XKR4: variants seen among roughly 807,000 people sequenced by gnomAD.
XKR4 encodes XK related 4.
A neutral mutation model predicts 53.9 loss-of-function variants in XKR4; 12 were observed. The ratio of observed to expected loss-of-function variants is 0.22; its 90% CI spans 0.14 to 0.36. XKR4 has a LOEUF of 0.36. XKR4 is among the 10% of genes least tolerant of loss of function. The pLI is 1.00. For missense variants in XKR4, 799 were observed against 859.5 expected, an observed-to-expected ratio of 0.93 and a Z score of 0.88; for synonymous variants, 354 against 362.4, an observed-to-expected ratio of 0.98 and a Z score of 0.26.
chr8:55,292,392 T>A (rs550612088), intron 1 of XKR4, among the ~76,000 whole-genome samples: 1 of 152,206 alleles, frequency 6.6e-6, no homozygotes, highest in Non-Finnish European at 1.5e-5. Context: ...GTGGTTTGTG[T>A]TTTTTTAAGT....
rs141210147 is a variant in XKR4 at position 55,150,491 on chromosome 8, A to T, written c.806+47197A>T. ...ATAGTATGGTTCTTGTAAAGATATC[A>T]CTCATACTTAGGAAGTCGTGCATGA... On this transcript the variant is annotated intron_variant, in intron 1 of 2. Coordinates refer to ENST00000327381, the MANE Select transcript of XKR4 (RefSeq NM_052898.2). 2.3e-3 allele frequency among the ~76,000 whole-genome samples: 352 copies of T among 152,244 alleles called. 2 individuals are homozygous for T. Among genetic ancestry groups the T allele is most frequent in the African/African-American group, 8.1e-3 (335 of 41,540 alleles).
At chr8:55,328,702 C>T (rs1287841478) in intron 1 of XKR4, among the ~76,000 whole-genome samples, 1 of 152,138 alleles carries the variant, frequency 6.6e-6, no homozygotes, top group African/African-American at 2.4e-5. Flanking sequence ...ACCGCATGAC[C>T]TTTTTTCTAG....
chr8:55,452,396 G>A (rs905727557), intron 2 of XKR4: 3 of 628,602 alleles, frequency 4.8e-6, no homozygotes, highest in African/African-American at 3.7e-5. Flanking sequence ...ACGTAGTGAG[G>A]AAGAGGGCGC....
Position 55,538,978 on chromosome 8 carries a change from C to T in XKR4, c.*14751C>T, listed in dbSNP as rs1807067659. 1 of 152,154 alleles carries T rather than the reference C, an allele frequency of 6.6e-6. No individual in the cohort carries two copies. The highest frequency in any genetic ancestry group is 1.5e-5 in the Non-Finnish European group (1 of 68,018). The allele number at this position is 152,154 out of a possible 1,614,324, so 9.4% of individuals were successfully genotyped here. A position where few individuals can be genotyped will look rare whatever the true frequency, so the allele number is the denominator to read the frequency against. ...GAGAAGTTTTTACACAGGGCTTCAG[C>T]TATATACTGATATACATATGCTTAC... On this transcript the variant is annotated 3_prime_UTR_variant, in exon 3 of 3. Coordinates refer to ENST00000327381, the MANE Select transcript of XKR4 (RefSeq NM_052898.2).
At chr8:55,302,207 T>C (rs1161373886) in intron 1 of XKR4, among the ~76,000 whole-genome samples, 1 of 152,240 alleles carries the variant, frequency 6.6e-6, no homozygotes, top group Non-Finnish European at 1.5e-5. Flanking sequence ...TTCAGCTTTC[T>C]ACATATGGCC....
At chr8:55,294,375 A>C (rs1254462981) in intron 1 of XKR4, among the ~76,000 whole-genome samples, 1 of 152,182 alleles carries the variant, frequency 6.6e-6, no homozygotes, top group Admixed American at 6.6e-5. Flanking sequence ...TGACATTATC[A>C]CTTCTCAAGG....
At chr8:55,507,696 G>T (rs1585611495) in intron 2 of XKR4, among the ~76,000 whole-genome samples, 1 of 152,138 alleles carries the variant, frequency 6.6e-6, no homozygotes, top group African/African-American at 2.4e-5. Flanking sequence ...TTTTATGGCT[G>T]CATAGTATTC....
At chr8:55,253,444 C>T (rs1818388373) in intron 1 of XKR4, among the ~76,000 whole-genome samples, 1 of 152,148 alleles carries the variant, frequency 6.6e-6, no homozygotes, top group African/African-American at 2.4e-5. Flanking sequence ...TTTATAGCTA[C>T]AATTAAAGTG....
At chr8:55,118,077 G>A (rs1361576771) in intron 1 of XKR4, among the ~76,000 whole-genome samples, 3 of 152,040 alleles carry the variant, frequency 2.0e-5, no homozygotes, top group African/African-American at 4.8e-5. Flanking sequence ...GAATATCTGC[G>A]TGTGGACTGA....
At chr8:55,381,310 A>G (rs1383392671) in intron 2 of XKR4, among the ~76,000 whole-genome samples, 2 of 152,218 alleles carry the variant, frequency 1.3e-5, no homozygotes, top group Non-Finnish European at 2.9e-5. Context: ...CAAGGCACAT[A>G]ATTTGGAATC....
intron 1 of XKR4, among the ~76,000 whole-genome samples, chr8:55,355,291 A>T (rs891633012): frequency 1.3e-5 from 2 of 152,198 alleles, no homozygotes; most frequent in African/African-American, 4.8e-5. Context: ...CACAGTGAGA[A>T]GATGAATAGA....
intron 1 of XKR4, among the ~76,000 whole-genome samples, chr8:55,143,632 A>G (rs1299035528): frequency 6.6e-6 from 1 of 152,224 alleles, no homozygotes; most frequent in Admixed American, 6.5e-5. Flanking sequence ...AAAAGGGGCC[A>G]TCAAGGTCTT....
intron 2 of XKR4, among the ~76,000 whole-genome samples, chr8:55,360,848 CTCCT>C (rs533561595): frequency 6.6e-6 from 1 of 152,250 alleles, no homozygotes; most frequent in Non-Finnish European, 1.5e-5. Context: ...TCAGCTGCTT[CTCCT>C]TCCTTATGTA....
At chr8:55,450,545 C>T in intron 2 of XKR4, 2 of 675,452 alleles carry the variant, frequency 3.0e-6, no homozygotes, top group Admixed American at 2.0e-5. Flanking sequence ...CTAGAAACAG[C>T]GGGACACGTG....
At chr8:55,411,661 A>C (rs1804780162) in intron 2 of XKR4, among the ~76,000 whole-genome samples, 1 of 152,196 alleles carries the variant, frequency 6.6e-6, no homozygotes, top group Non-Finnish European at 1.5e-5. Flanking sequence ...CAGACTCGTA[A>C]AGGAGGCCAG....
At chr8:55,462,372 C>A (rs1805673429) in intron 2 of XKR4, among the ~76,000 whole-genome samples, 1 of 152,088 alleles carries the variant, frequency 6.6e-6, no homozygotes, top group Non-Finnish European at 1.5e-5. Flanking sequence ...TCCAGCCAAA[C>A]TAAGCTTCAT....
In XKR4 at chr8:55,242,919, C is replaced by T. The variant is rs540024731; in HGVS notation, c.807-114759C>T. Reference sequence around the variant, plus strand: ...CAGATAAATAATGGCACATCTGAGTCGTGTAAACTATGAAATCACCAAAGT... The same window carrying T: ...CAGATAAATAATGGCACATCTGAGTTGTGTAAACTATGAAATCACCAAAGT... On this transcript the variant is annotated intron_variant, in intron 1 of 2. Coordinates refer to ENST00000327381, the MANE Select transcript of XKR4 (RefSeq NM_052898.2). Among the ~76,000 whole-genome samples the T allele has an allele frequency of 2.0e-4, 30 of 152,230 alleles. 1 individual carries two copies. In the East Asian group the frequency reaches 4.6e-3, roughly 23 times the overall value.
At chr8:55,103,342 T>C (rs1421606710) in intron 1 of XKR4, 48 bp downstream of exon 1, 1 of 1,539,900 alleles carries the variant, frequency 6.5e-7, no homozygotes, top group Admixed American at 2.0e-5. Flanking sequence ...TGCTACTACA[T>C]CCCCACTGCT....
chr8:55,451,610 G>C (rs1805447500), intron 2 of XKR4: 2 of 1,471,398 alleles, frequency 1.4e-6, no homozygotes, highest in Admixed American at 1.9e-5. Flanking sequence ...ACGGTGAAGC[G>C]GTTCTGGCGG....
Sources: allele counts gnomAD v4.1 joint callset (sites outside exome capture counted in the v4.1 genomes callset), GRCh38; gene constraint gnomAD v4.1.1; transcripts MANE v1.5; gene names NCBI Gene and HGNC (gene_info 2026-07-23, HGNC 2026-07-21).